PRKCE: variants seen among roughly 807,000 people sequenced by gnomAD.
PRKCE encodes the protein protein kinase C epsilon type.
Under a neutral mutation model 85.4 loss-of-function variants are expected in PRKCE, and 16 were observed. That is an observed-to-expected ratio of 0.19 (90% CI 0.13 to 0.28). The LOEUF (loss-of-function observed/expected upper bound fraction) is 0.28. Ranked by LOEUF, PRKCE falls within the 10% of genes least tolerant of loss-of-function variation. The probability of loss-of-function intolerance (pLI) is 1.00; values close to 1 mark genes in which losing one functional copy is unlikely to be tolerated. For synonymous variants in PRKCE, 388 were observed against 371.5 expected (o/e 1.04, Z -0.51); for missense variants, 573 against 975.2 (o/e 0.59, Z 5.49).
intron 10 of PRKCE, among the ~76,000 whole-genome samples, chr2:46,042,205 ATTC>A (rs1207140332): frequency 5.3e-5 from 8 of 152,264 alleles, no homozygotes; most frequent in African/African-American, 1.9e-4. Context: ...AATTTCATCA[ATTC>A]TTCTGGCTGA....
chr2:45,966,287 G>A (rs960979366), intron 2 of PRKCE, among the ~76,000 whole-genome samples: 1 of 152,190 alleles, frequency 6.6e-6, no homozygotes, highest in Non-Finnish European at 1.5e-5. Context: ...TGCCTGTGAT[G>A]CTCCCACAAA....
intron 1 of PRKCE, among the ~76,000 whole-genome samples, chr2:45,663,080 C>A (rs1675750825): frequency 6.6e-6 from 1 of 152,102 alleles, no homozygotes; most frequent in African/African-American, 2.4e-5. Context: ...TCTCTGTGAT[C>A]AAAGAGGTTG....
intron 11 of PRKCE, among the ~76,000 whole-genome samples, chr2:46,092,765 A>G (rs1020045840): frequency 2.6e-5 from 4 of 152,156 alleles, no homozygotes; most frequent in Non-Finnish European, 4.4e-5. Context: ...CGAAGTTGTG[A>G]TGTAAATTTT....
At chr2:46,103,701 A>G (rs567052184) in intron 11 of PRKCE, among the ~76,000 whole-genome samples, 2 of 152,352 alleles carry the variant, frequency 1.3e-5, no homozygotes, top group African/African-American at 2.4e-5. Flanking sequence ...TGTATGTTAC[A>G]TGTATTATAT....
chr2:45,932,709 C>G lies in PRKCE; in HGVS notation c.413-43720C>G, dbSNP rs537706102. ...GATTTAGTGTGTTTATGTTACTGGA[C>G]AACCATGACCACTATCCATCTCCAA... On this transcript the variant is annotated intron_variant, in intron 2 of 14. Transcript: ENST00000306156. 3.9e-5 allele frequency among the ~76,000 whole-genome samples: 6 copies of G among 152,254 alleles called. 1 individual carries two copies. In the South Asian group the frequency reaches 1.2e-3, roughly 32 times the overall value.
In PRKCE at chr2:45,806,332, C is replaced by T. The variant is rs560665440; in HGVS notation, c.349-36668C>T. Among the ~76,000 whole-genome samples the T allele has an allele frequency of 8.5e-5, 13 of 152,270 alleles. 1 individual carries two copies. In the South Asian group the frequency reaches 2.3e-3, roughly 27 times the overall value. On this transcript the variant is annotated intron_variant, in intron 1 of 14. Coordinates refer to ENST00000306156, the MANE Select transcript of PRKCE (RefSeq NM_005400.3). ...TCAATGGTGCTGCCCTTAACCCACC[C>T]GCTCCCCAAGCAGGGACTCAGAGAT...
chr2:46,006,992 C>G (rs10211374), intron 8 of PRKCE, among the ~76,000 whole-genome samples: 33,629 of 152,182 alleles, frequency 0.22, 4,118 homozygotes, highest in African/African-American at 0.31. Context: ...GATCAGCCAC[C>G]GTTCTGATGG....
chr2:45,713,577 T>C (rs1679844481), intron 1 of PRKCE, among the ~76,000 whole-genome samples: 1 of 152,126 alleles, frequency 6.6e-6, no homozygotes, highest in Non-Finnish European at 1.5e-5. Flanking sequence ...TCATTCTTCA[T>C]TTGAAGAAGG....
At chr2:46,097,362 C>T (rs1558450877) in intron 11 of PRKCE, among the ~76,000 whole-genome samples, 1 of 151,070 alleles carries the variant, frequency 6.6e-6, no homozygotes, top group African/African-American at 2.4e-5. Flanking sequence ...ACTAAATATA[C>T]AAAAAAAATT....
rs1437279594 is a variant in PRKCE at position 45,905,980 on chromosome 2, CT to C, written c.412+62920del. On this transcript the variant is annotated intron_variant, in intron 2 of 14. Transcript: ENST00000306156. The surrounding 1 kb of genome is among the most constrained non-coding windows in gnomAD (Gnocchi z 4.4). ...GCAGGCTATCTTCAGCGGTGATGCG[CT>C]TTCAACCCTCCTCCCCTACCCACAT... 6.6e-6 allele frequency among the ~76,000 whole-genome samples: 1 copy of C among 152,190 alleles called. No individual in the cohort carries two copies. Among genetic ancestry groups the C allele is most frequent in the East Asian group, 1.9e-4 (1 of 5,200 alleles).
At chr2:45,899,705 C>A (rs539920329) in intron 2 of PRKCE, among the ~76,000 whole-genome samples, 1 of 152,172 alleles carries the variant, frequency 6.6e-6, no homozygotes, top group East Asian at 1.9e-4. Context: ...TAATGGCCAA[C>A]ACCATAGTTC....
chr2:45,800,364 G>A (rs911555583), intron 1 of PRKCE, among the ~76,000 whole-genome samples: 1 of 151,998 alleles, frequency 6.6e-6, no homozygotes, highest in African/African-American at 2.4e-5. Context: ...GCCTCATGCT[G>A]GGGGGTCTGA....
Position 45,697,139 on chromosome 2 carries a change from G to C in PRKCE, c.348+44691G>C, listed in dbSNP as rs1678219491. The stretch of plus-strand genomic sequence containing the variant: ...ATGTTGTTCTAATACTTAGGAACAT[G>C]CCTCCAAATAAGATGAAATGCTCTA... On this transcript the variant is annotated intron_variant, in intron 1 of 14. Coordinates refer to ENST00000306156, the MANE Select transcript of PRKCE (RefSeq NM_005400.3). The surrounding 1 kb of genome is among the most constrained non-coding windows in gnomAD (Gnocchi z 4.2). 6.6e-6 allele frequency among the ~76,000 whole-genome samples: 1 copy of C among 152,232 alleles called. No individual in the cohort carries two copies. The highest frequency in any genetic ancestry group is 1.5e-5 in the Non-Finnish European group (1 of 68,040).
intron 2 of PRKCE, among the ~76,000 whole-genome samples, chr2:45,973,418 A>T (rs981919577): frequency 1.3e-5 from 2 of 152,206 alleles, no homozygotes; most frequent in Admixed American, 1.3e-4. Flanking sequence ...CACTTGAAGC[A>T]TGAAGTTTAC....
At chr2:45,694,515 A>T (rs552072972) in intron 1 of PRKCE, among the ~76,000 whole-genome samples, 2 of 152,328 alleles carry the variant, frequency 1.3e-5, no homozygotes, top group South Asian at 2.1e-4. Context: ...TCCTGTCTTC[A>T]TGGAACTTAT....
intron 1 of PRKCE, among the ~76,000 whole-genome samples, chr2:45,838,212 G>A (rs77106088): frequency 0.025 from 3,823 of 152,244 alleles, 166 homozygotes; most frequent in African/African-American, 0.086. Context: ...CTCTGGGGAC[G>A]GGAGGGTTGA....
chr2:45,883,200 C>T (rs1326485251), intron 2 of PRKCE, among the ~76,000 whole-genome samples: 1 of 152,216 alleles, frequency 6.6e-6, no homozygotes, highest in African/African-American at 2.4e-5. Context: ...TGGGGACTTC[C>T]CTAAACAGAT....
intron 1 of PRKCE, among the ~76,000 whole-genome samples, chr2:45,834,049 C>G (rs1474992120): frequency 6.6e-6 from 1 of 152,240 alleles, no homozygotes; most frequent in East Asian, 1.9e-4. Flanking sequence ...TTAGCTACCT[C>G]TGTCATCAGA....
intron 11 of PRKCE, among the ~76,000 whole-genome samples, chr2:46,091,156 C>T (rs1019914129): frequency 8.8e-5 from 13 of 148,560 alleles, no homozygotes; most frequent in African/African-American, 2.9e-4. Flanking sequence ...AGGGGGAGGG[C>T]TGGGTGGGGG....
Sources: gnomAD v4.1 joint callset for allele counts (sites outside exome capture counted in the v4.1 genomes callset) on GRCh38, gnomAD v4.1.1 for gene constraint, Gnocchi (gnomAD v3.1) non-coding constraint, MANE v1.5 for transcripts, NCBI Gene and HGNC (gene_info 2026-07-23, HGNC 2026-07-21) for gene names.